SPATA22: variants seen among roughly 807,000 people sequenced by gnomAD.
SPATA22 encodes spermatogenesis-associated protein 22.
A neutral mutation model predicts 47.8 loss-of-function variants in SPATA22; 29 were observed. That is an observed-to-expected ratio of 0.61 (90% CI 0.45 to 0.83). The LOEUF (loss-of-function observed/expected upper bound fraction) is 0.83, where lower values mean the gene tolerates loss of function less well. SPATA22 is among the 40% of genes least tolerant of loss of function. SPATA22 has a pLI of 0.00. For missense variants in SPATA22, 410 were observed against 421.7 expected (o/e 0.97, Z 0.24); for synonymous variants, 133 against 140.9 (o/e 0.94, Z 0.40).
At chr17:3,476,028 C>T (rs968694174), upstream of SPATA22, 3 of 794,050 alleles carry the variant, frequency 3.8e-6, no homozygotes, top group Non-Finnish European at 6.2e-6. Context: ...AAATATACTC[C>T]ACTCAAGGGA....
rs749202744 is a variant in SPATA22, at chr17:3,443,208, C to T, written c.866G>A (p.Gly289Glu). The T allele has an allele frequency of 1.2e-6, 2 of 1,610,260 alleles. No homozygotes were observed. The highest frequency in any genetic ancestry group is 3.4e-5 in the Admixed American group (2 of 59,652). Residue 289 changes from glycine to glutamate, a missense_variant, in exon 8 of 9, where the codon GGG (glycine) becomes GAG (glutamate). Physicochemically the swap from Gly to Glu is moderately conservative, Grantham distance 98. Transcript: ENST00000572969. ...AAAGACACAAGGCAGAGTATTTTTC[C>T]CATCCCTCATAAGAAAAGTCTTCGA... ...YYSKTFLMRDGKNTLPCVFYE... is the reference protein window; with the variant it reads ...YYSKTFLMRDEKNTLPCVFYE...
chr17:3,508,020 C>G (rs935741005), intron 1 of SPATA22, among the ~76,000 whole-genome samples: 4 of 152,178 alleles, frequency 2.6e-5, no homozygotes, highest in African/African-American at 9.6e-5. Flanking sequence ...CTTGCTGCCA[C>G]TCAACAAGAT....
At position 3,483,032 on chromosome 17, in the gene SPATA22, T is replaced by A. The variant is rs547222293; in HGVS notation, c.-73-13634A>T. 8.8e-5 allele frequency among the ~76,000 whole-genome samples: 13 copies of A among 148,256 alleles called. No homozygotes were observed. In the South Asian group the frequency reaches 1.5e-3, roughly 17 times the overall value. ...AAGCAGAATTGCTGACACTTTGTTA[T>A]CCAAACCAAGAGGCCTGTCTTCAAT... On this transcript the variant is annotated intron_variant, in intron 1 of 8. Coordinates refer to the SPATA22 transcript ENST00000541913.
intron 1 of SPATA22, chr17:3,489,184 A>G (rs2073777971): frequency 9.0e-7 from 1 of 1,114,828 alleles, no homozygotes; most frequent in East Asian, 2.4e-5. Flanking sequence ...TTAGTTTTAT[A>G]ATATATTTTC....
At chr17:3,508,897 T>TAAAAAAAA (rs59201485) in intron 1 of SPATA22, among the ~76,000 whole-genome samples, 92 of 112,828 alleles carry the variant, frequency 8.2e-4, no homozygotes, top group Non-Finnish European at 1.1e-3. Flanking sequence ...GCTTAAAGTA[T>TAAAAAAAA]AAAAAAAAAA....
chr17:3,464,187 G>C (rs2073212017), intron 3 of SPATA22, among the ~76,000 whole-genome samples: 1 of 152,060 alleles, frequency 6.6e-6, no homozygotes, highest in African/African-American at 2.4e-5. Context: ...TCGCTGTGTT[G>C]GCCGGGCTGG....
chr17:3,485,683 T>C lies in SPATA22; in HGVS notation c.-73-16285A>G, dbSNP rs1304108576. ...CCAGGTTGTTTTCTGACCCTCTCCT[T>C]ATCAAGACCTGTCAAAGATCTGAGA... On this transcript the variant is annotated intron_variant, in intron 1 of 8. Coordinates refer to the SPATA22 transcript ENST00000541913. The surrounding 1 kb of genome is among the most constrained non-coding windows in gnomAD (Gnocchi z 4.4). Among the ~76,000 whole-genome samples the C allele has an allele frequency of 6.6e-6, 1 of 152,208 alleles. No individual in the cohort carries two copies. Among genetic ancestry groups the C allele is most frequent in the African/African-American group, 2.4e-5 (1 of 41,460 alleles).
At chr17:3,507,704 C>T (rs2074054626) in intron 1 of SPATA22, among the ~76,000 whole-genome samples, 1 of 152,200 alleles carries the variant, frequency 6.6e-6, no homozygotes, top group South Asian at 2.1e-4. Context: ...TGGGATACGA[C>T]ACTCACCAAA....
chr17:3,442,863 T>C (rs1163681188), intron 8 of SPATA22, among the ~76,000 whole-genome samples: 1 of 151,908 alleles, frequency 6.6e-6, no homozygotes, highest in African/African-American at 2.4e-5. Flanking sequence ...ACCCTGCACA[T>C]ACCTAGCTCC....
chr17:3,476,804 T>C (rs1239387938), upstream of SPATA22, among the ~76,000 whole-genome samples: 1 of 152,254 alleles, frequency 6.6e-6, no homozygotes, highest in African/African-American at 2.4e-5. Flanking sequence ...CAAGCAACTA[T>C]GCTTACGGTA....
In SPATA22 at chr17:3,444,764, T is replaced by TG. The variant is rs997370333; in HGVS notation, c.803-1494dup. ...AAAATCCACTAAAGTTGTTTTTTTC[T>TG]GGGGGGTGCTTGCAACTGGAAGATA... On this transcript the variant is annotated intron_variant, in intron 7 of 8. Coordinates refer to ENST00000572969, the MANE Select transcript of SPATA22 (RefSeq NM_001170698.2). Among the ~76,000 whole-genome samples, 16 of 152,026 alleles carry TG rather than the reference T, an allele frequency of 1.1e-4. No individual in the cohort carries two copies. The East Asian group carries it at 2.7e-3, about 26-fold the overall frequency.
intron 8 of SPATA22, 141 bp downstream of exon 8, chr17:3,443,033 T>C: frequency 1.6e-6 from 1 of 618,808 alleles, no homozygotes; most frequent in Non-Finnish European, 2.8e-6. Flanking sequence ...ATTATAAAAA[T>C]AAACAACTTT....
intron 1 of SPATA22, among the ~76,000 whole-genome samples, chr17:3,476,934 T>A (rs758585365): frequency 6.6e-6 from 1 of 152,192 alleles, no homozygotes; most frequent in Non-Finnish European, 1.5e-5. Context: ...GGCAGGCGGA[T>A]CACGAGGTCA....
chr17:3,449,250 G>A (rs1482909291), intron 5 of SPATA22, 101 bp from the exon 6 acceptor site: 5 of 858,852 alleles, frequency 5.8e-6, no homozygotes, highest in Non-Finnish European at 7.0e-6. Context: ...TTATGACTTA[G>A]AAAGCACTTT....
At chr17:3,455,167 T>G (rs1050378531) in intron 5 of SPATA22, among the ~76,000 whole-genome samples, 5 of 152,190 alleles carry the variant, frequency 3.3e-5, no homozygotes, top group Non-Finnish European at 7.3e-5. Context: ...GTAAATTTGT[T>G]GGAGTTCATT....
rs28940574 is a variant in SPATA22, at chr17:3,499,060, C to T, written c.-74+14352G>A. 6.2e-7 allele frequency: 1 copy of T among 1,613,988 alleles called. No homozygotes were observed. Among genetic ancestry groups the T allele is most frequent in the Non-Finnish European group, 8.5e-7 (1 of 1,179,976 alleles). On this transcript the variant is annotated intron_variant, in intron 1 of 8. Transcript: ENST00000541913. ...AAGACAACTAAACTAACGCTCAATGCAAAAAGTATTCGCTGCTGTTTACAT... is the reference window on the plus strand; with the variant it reads ...AAGACAACTAAACTAACGCTCAATGTAAAAAGTATTCGCTGCTGTTTACAT...
At chr17:3,470,837 G>C (rs886140930) in intron 1 of SPATA22, among the ~76,000 whole-genome samples, 1 of 151,514 alleles carries the variant, frequency 6.6e-6, no homozygotes, top group Non-Finnish European at 1.5e-5. Flanking sequence ...TTGAAGCTGG[G>C]TAGAAGAGAT....
chr17:3,458,906 T>C (rs1293232891), intron 5 of SPATA22, among the ~76,000 whole-genome samples: 3 of 122,666 alleles, frequency 2.4e-5, no homozygotes, highest in African/African-American at 6.4e-5. Flanking sequence ...ACAATGCAAG[T>C]GACAGATAAA....
intron 3 of SPATA22, 36 bp from the exon 4 acceptor site, chr17:3,462,803 T>A: frequency 6.8e-7 from 1 of 1,466,088 alleles, no homozygotes; most frequent in Non-Finnish European, 9.6e-7. Flanking sequence ...AAAAGTAAGA[T>A]AGGTAGTATT....
Sources: allele counts gnomAD v4.1 joint callset (sites outside exome capture counted in the v4.1 genomes callset), GRCh38; gene constraint gnomAD v4.1.1; non-coding constraint Gnocchi (gnomAD v3.1); transcripts MANE v1.5; gene names NCBI Gene and HGNC (gene_info 2026-07-23, HGNC 2026-07-21).